The following FBXO34 variants were observed in gnomAD, a reference collection of about 807,000 sequenced individuals.
FBXO34 encodes the protein F-box protein 34.
FBXO34 carries 12 observed loss-of-function variants against 24.5 expected under a neutral mutation model. The ratio of observed to expected loss-of-function variants is 0.49; its 90% CI spans 0.31 to 0.79. FBXO34 has a LOEUF of 0.79. FBXO34 is among the 30% of genes least tolerant of loss of function. The pLI, the probability that FBXO34 is intolerant of heterozygous loss-of-function variation, is 0.04. For synonymous variants in FBXO34, 320 were observed against 311.9 expected (o/e 1.03, Z -0.27); for missense variants, 823 against 857.7 (o/e 0.96, Z 0.51).
intron 1 of FBXO34, chr14:55,272,120 C>A (rs1430623405): frequency 6.6e-6 from 1 of 152,172 alleles, no homozygotes; most frequent in Non-Finnish European, 1.5e-5. Context: ...GGCTGTGGGT[C>A]CGTGTGTCTG....
intron 1 of FBXO34, among the ~76,000 whole-genome samples, chr14:55,301,787 G>T (rs1380747915): frequency 6.6e-6 from 1 of 152,202 alleles, no homozygotes. Context: ...GAGCCAGGCA[G>T]TATTATCTGA....
chr14:55,322,127 G>A (rs1003453142), intron 1 of FBXO34, among the ~76,000 whole-genome samples: 3 of 151,910 alleles, frequency 2.0e-5, no homozygotes, highest in Middle Eastern at 3.4e-3. Flanking sequence ...TCGAGACCAC[G>A]GTGAAACCTC....
intron 1 of FBXO34, chr14:55,282,367 C>T (rs775322129): frequency 1.6e-5 from 7 of 436,726 alleles, no homozygotes; most frequent in Non-Finnish European, 3.2e-5. Flanking sequence ...ATAAGGAAGG[C>T]ACCCTTGATC....
At chr14:55,330,924 C>A (rs113735300) in intron 1 of FBXO34, among the ~76,000 whole-genome samples, 1,702 of 152,270 alleles carry the variant, frequency 0.011, 13 homozygotes, top group Middle Eastern at 0.027. Context: ...AGATTTTGTG[C>A]TTTGTTCACT....
chr14:55,351,380 A>G lies in FBXO34; in HGVS notation c.990A>G (p.Lys330=), dbSNP rs565175712. The G allele has an allele frequency of 4.3e-6, 7 of 1,614,192 alleles. No individual in the cohort carries two copies. In the African/African-American group the frequency reaches 6.7e-5, roughly 15 times the overall value. Reference sequence around the variant, plus strand: ...AGGCTGATGAAGGCAAAACAAAGAAAGGCGTCTTGGAGGCACCTGACACTC... The same window carrying G: ...AGGCTGATGAAGGCAAAACAAAGAAGGGCGTCTTGGAGGCACCTGACACTC... ...STQADEGKTK[K]GVLEAPDTQV... is the part of the protein sequence containing the mutation. Residue 330 remains lysine, a synonymous_variant, in exon 2 of 2, where the codon AAA becomes AAG. Transcript: ENST00000313833.
chr14:55,440,876 T>C, the FBXO34 span, among the ~76,000 whole-genome samples: 1 of 152,198 alleles, frequency 6.6e-6, no homozygotes, highest in Non-Finnish European at 1.5e-5. Context: ...TTGTTGTTGT[T>C]GTTGAGATGG....
chr14:55,333,645 G>A (rs1018935436), intron 1 of FBXO34, among the ~76,000 whole-genome samples: 6 of 151,722 alleles, frequency 4.0e-5, no homozygotes, highest in African/African-American at 1.5e-4. Flanking sequence ...AAGCTTGTTG[G>A]TGTCCTGTTC....
At chr14:55,333,179 A>G (rs1883658345) in intron 1 of FBXO34, among the ~76,000 whole-genome samples, 1 of 152,158 alleles carries the variant, frequency 6.6e-6, no homozygotes, top group South Asian at 2.1e-4. Context: ...TGCTGGAATG[A>G]TTACTGTTCT....
chr14:55,381,996 G>A, the FBXO34 span: 1 of 1,614,158 alleles, frequency 6.2e-7, no homozygotes, highest in Non-Finnish European at 8.5e-7. Context: ...CCTCCACCCA[G>A]CTGTAGTAGG....
At chr14:55,310,179 G>C (rs981499418) in intron 1 of FBXO34, among the ~76,000 whole-genome samples, 1 of 152,182 alleles carries the variant, frequency 6.6e-6, no homozygotes, top group Admixed American at 6.5e-5. Flanking sequence ...GAGCTATCTA[G>C]AATGGAGAAG....
intron 1 of FBXO34, among the ~76,000 whole-genome samples, chr14:55,284,802 G>A (rs1171760794): frequency 6.7e-6 from 1 of 149,486 alleles, no homozygotes; most frequent in Non-Finnish European, 1.5e-5. Context: ...CTTTTGTAGA[G>A]ATAGGGTTTC....
downstream of FBXO34, chr14:55,366,839 C>A (rs1344405779): frequency 6.6e-6 from 1 of 152,416 alleles, no homozygotes; most frequent in Admixed American, 6.6e-5. Flanking sequence ...GGTTCTGGCA[C>A]CTACATGAAA....
chr14:55,281,127 G>C (rs1244959607), intron 1 of FBXO34, among the ~76,000 whole-genome samples: 3 of 152,026 alleles, frequency 2.0e-5, no homozygotes, highest in African/African-American at 7.2e-5. Flanking sequence ...GGTAGCCCAT[G>C]CCTGTAGTCC....
chr14:55,351,807 T>C lies in FBXO34; in HGVS notation c.1417T>C (p.Ser473Pro), dbSNP rs930250820. 2.1e-5 allele frequency: 34 copies of C among 1,614,036 alleles called. No individual in the cohort carries two copies. The highest frequency in any genetic ancestry group is 2.8e-5 in the Non-Finnish European group (33 of 1,180,032). ...CAAAGACCAGCCTTCCATTTTAAACTCCTGTGAAGACCCAGTTCCAGGGAT... is the reference window on the plus strand; with the variant it reads ...CAAAGACCAGCCTTCCATTTTAAACCCCTGTGAAGACCCAGTTCCAGGGAT... The part of the protein sequence containing the change: ...VDKDQPSILN[S>P]CEDPVPGMLF... The change falls in exon 2 of 2, where the codon TCC becomes CCC. Residue 473 changes from serine (S) to proline (P), a missense_variant. Ser to Pro is a moderately conservative substitution (Grantham distance 74). This residue lies in a region of FBXO34 where 693 missense variants were observed against 659.1 expected (regional missense o/e 1.05). Transcript: ENST00000313833.
the FBXO34 span, among the ~76,000 whole-genome samples, chr14:55,422,468 C>T: frequency 6.6e-6 from 1 of 152,100 alleles, no homozygotes; most frequent in African/African-American, 2.4e-5. Context: ...CCAGGCTCAT[C>T]TTGAACTCCT....
the FBXO34 span, among the ~76,000 whole-genome samples, chr14:55,433,309 C>CT: frequency 0.031 from 3,766 of 119,818 alleles, 77 homozygotes; most frequent in Non-Finnish European, 0.043. Context: ...TTAGATTTCT[C>CT]TTTTTTTTTT....
the FBXO34 span, among the ~76,000 whole-genome samples, chr14:55,427,894 T>A: frequency 1.3e-5 from 2 of 150,364 alleles, no homozygotes; most frequent in African/African-American, 4.9e-5. Context: ...TTTTTTTTTT[T>A]TTTTGAGACG....
chr14:55,363,207 T>A (rs796446620), downstream of FBXO34, among the ~76,000 whole-genome samples: 95 of 149,682 alleles, frequency 6.3e-4, no homozygotes, highest in East Asian at 1.4e-3. Flanking sequence ...TTTTTTTTTT[T>A]AATTTCTAGT....
the FBXO34 span, among the ~76,000 whole-genome samples, chr14:55,379,363 C>T: frequency 6.6e-6 from 1 of 151,772 alleles, no homozygotes; most frequent in Non-Finnish European, 1.5e-5. Context: ...TAGGGAGACC[C>T]TGTCTCATAC....
Sources: allele counts gnomAD v4.1 joint callset (sites outside exome capture counted in the v4.1 genomes callset), GRCh38; gene constraint gnomAD v4.1.1; regional missense constraint gnomAD v4.1.1; transcripts MANE v1.5; gene names NCBI Gene and HGNC (gene_info 2026-07-23, HGNC 2026-07-21).